Variants in MET observed in about 807,000 individuals in gnomAD.
MET encodes the protein hepatocyte growth factor receptor.
MET carries 48 observed loss-of-function variants against 133.1 expected under a neutral mutation model. The ratio of observed to expected loss-of-function variants is 0.36; its 90% confidence interval spans 0.29 to 0.46. The LOEUF is 0.46. Ranked by LOEUF, MET falls within the 20% of genes least tolerant of loss-of-function variation. The pLI, the probability that MET is intolerant of heterozygous loss-of-function variation, is 1.00. For missense variants in MET, 1,442 were observed against 1,695.9 expected (o/e 0.85, Z 2.63); for synonymous variants, 628 against 616.5 (o/e 1.02, Z -0.28).
At chr7:116,787,278 A>G (rs1319050655) in intron 19 of MET, among the ~76,000 whole-genome samples, 1 of 152,206 alleles carries the variant, frequency 6.6e-6, no homozygotes, top group African/African-American at 2.4e-5. Flanking sequence ...CCAAGAACAT[A>G]CTGTTCATTC....
At position 116,778,966 on chromosome 7, in the gene MET, A is replaced by G; in HGVS notation, c.3522+9A>G. 1 of 1,613,466 alleles carries G rather than the reference A, an allele frequency of 6.2e-7. No individual in the cohort carries two copies. Among genetic ancestry groups the G allele is most frequent in the Non-Finnish European group, 8.5e-7 (1 of 1,179,820 alleles). The stretch of plus-strand genomic sequence containing the variant: ...TTCGAAATGAGACTCATGTAAGTTG[A>G]CTGCCAAGCTTACTAACTGGCAAAC... On this transcript the variant is annotated intron_variant, in intron 17 of 20. Coordinates refer to ENST00000397752, the MANE Select transcript of MET (RefSeq NM_000245.4).
rs751158986 is a variant in MET, at chr7:116,731,789, C to T, written c.1322C>T (p.Ser441Phe). The change falls in exon 3 of 21, where the codon TCT (serine) becomes TTT (phenylalanine). Residue 441 changes from serine to phenylalanine, a missense_variant. Physicochemically the swap from Ser to Phe is radical, Grantham distance 155. Transcript: ENST00000397752. ...MGQFSEVLLT[S>F]ISTFIKGDLT... is the part of the protein sequence containing the mutation. The stretch of plus-strand genomic sequence containing the variant: ...CAATTCAGCGAAGTCCTCTTAACAT[C>T]TATATCCACCTTCATTAAAGGAGAC... The T allele has an allele frequency of 6.2e-7, 1 of 1,614,124 alleles. No homozygotes were observed. Among genetic ancestry groups the T allele is most frequent in the East Asian group, 2.2e-5 (1 of 44,890 alleles).
At chr7:116,693,517 A>G (rs1250424137) in intron 1 of MET, among the ~76,000 whole-genome samples, 2 of 152,182 alleles carry the variant, frequency 1.3e-5, no homozygotes, top group African/African-American at 2.4e-5. Flanking sequence ...CATACAAATA[A>G]TTAGCTGCAC....
At chr7:116,771,171 C>T (rs1794816833) in intron 12 of MET, among the ~76,000 whole-genome samples, 2 of 152,204 alleles carry the variant, frequency 1.3e-5, no homozygotes, top group Admixed American at 1.3e-4. Context: ...TTCTATGGTA[C>T]ATACCACACT....
In MET at chr7:116,699,450, C is replaced by T. The variant is rs202026780; in HGVS notation, c.366C>T (p.Val122=). The change falls in exon 2 of 21, where the codon GTC becomes GTT. Residue 122 remains valine (V), a synonymous_variant. Transcript: ENST00000397752. ...WKDNINMALV[V]DTYYDDQLIS... ...ATAACATCAACATGGCTCTAGTTGT[C>T]GACACCTACTATGATGATCAACTCA... 12 of 1,613,874 alleles carry T rather than the reference C, an allele frequency of 7.4e-6. No individual in the cohort carries two copies. The highest frequency in any genetic ancestry group is 5.3e-5 in the African/African-American group (4 of 74,878).
At position 116,763,104 on chromosome 7, in the gene MET, C is replaced by A. The variant is rs2116954655; in HGVS notation, c.2419C>A (p.Gln807Lys). ...EIICCTTPSL[Q>K]QLNLQLPLKT... ...AATCTGTTGTACCACTCCTTCCCTGCAACAGCTGAATCTGCAACTCCCCCT... is the reference window on the plus strand; with the variant it reads ...AATCTGTTGTACCACTCCTTCCCTGAAACAGCTGAATCTGCAACTCCCCCT... Residue 807 changes from glutamine (Q) to lysine (K), a missense_variant, in exon 11 of 21, where the codon CAA becomes AAA. Gln to Lys is a moderately conservative substitution (Grantham distance 53, BLOSUM62 1). This residue lies in a region of MET where 514 missense variants were observed against 659.6 expected (regional missense o/e 0.78). Transcript: ENST00000397752. 6.2e-7 allele frequency: 1 copy of A among 1,614,062 alleles called. No individual in the cohort carries two copies. The highest frequency in any genetic ancestry group is 8.5e-7 in the Non-Finnish European group (1 of 1,179,990).
rs1794306386 is a variant in MET, at chr7:116,759,320, G to A, written c.2265-71G>A. ...TGTAATCAGTGCAGGTGATTAAATTGAATCCCTCTCTTACAGTACTTGGTG... is the reference window on the plus strand; with the variant it reads ...TGTAATCAGTGCAGGTGATTAAATTAAATCCCTCTCTTACAGTACTTGGTG... On this transcript the variant is annotated intron_variant, in intron 9 of 20. Transcript: ENST00000397752. The A allele has an allele frequency of 6.4e-7, 1 of 1,566,264 alleles. No homozygotes were observed. Among genetic ancestry groups the A allele is most frequent in the Non-Finnish European group, 8.7e-7 (1 of 1,153,346 alleles).
intron 6 of MET, among the ~76,000 whole-genome samples, chr7:116,756,917 TATA>T (rs1368960165): frequency 6.6e-6 from 1 of 152,174 alleles, no homozygotes; most frequent in East Asian, 1.9e-4. Flanking sequence ...GTATAAGTGC[TATA>T]GTACCATTAA....
At position 116,721,526 on chromosome 7, in the gene MET, G is replaced by C. The variant is rs181108979; in HGVS notation, c.1201-10142G>C. Reference sequence around the variant, plus strand: ...TTTAGTTATTTCTTGCCTTCTGCTAGCTTTTGAATGTGTTTGCTCTTGCTT... The same window carrying C: ...TTTAGTTATTTCTTGCCTTCTGCTACCTTTTGAATGTGTTTGCTCTTGCTT... On this transcript the variant is annotated intron_variant, in intron 2 of 20. Coordinates refer to ENST00000397752, the MANE Select transcript of MET (RefSeq NM_000245.4). 1.4e-3 allele frequency among the ~76,000 whole-genome samples: 217 copies of C among 152,248 alleles called. 1 individual carries two copies. The highest frequency in any genetic ancestry group is 5.0e-3 in the African/African-American group (209 of 41,540).
chr7:116,788,507 G>C (rs1451749445), intron 19 of MET, among the ~76,000 whole-genome samples: 1 of 152,082 alleles, frequency 6.6e-6, no homozygotes, highest in Non-Finnish European at 1.5e-5. Context: ...CAGCACAGAG[G>C]CCAAGGCTTC....
chr7:116,688,491 C>G (rs952709715), intron 1 of MET, among the ~76,000 whole-genome samples: 4 of 152,156 alleles, frequency 2.6e-5, no homozygotes, highest in African/African-American at 9.7e-5. Flanking sequence ...TTTTGTCTGA[C>G]CTACAATTTA....
chr7:116,729,177 C>T (rs1419204302), intron 2 of MET, among the ~76,000 whole-genome samples: 1 of 152,140 alleles, frequency 6.6e-6, no homozygotes, highest in East Asian at 1.9e-4. Flanking sequence ...TCAGAGTAAT[C>T]CATAGTACTT....
At chr7:116,697,274 C>T (rs1281454176) in intron 1 of MET, among the ~76,000 whole-genome samples, 2 of 152,032 alleles carry the variant, frequency 1.3e-5, no homozygotes, top group Admixed American at 6.6e-5. Context: ...AAATATGTCC[C>T]TTATTCATTC....
rs770384154 is a variant in MET, at chr7:116,763,220, A to G, written c.2535A>G (p.Glu845=). The part of the protein sequence containing the change: ...YVHNPVFKPF[E]KPVMISMGNE... ...ATAATCCTGTGTTTAAGCCTTTTGA[A>G]AAGCCAGTGATGATCTCAATGGGCA... is the stretch of plus-strand genomic sequence containing the variant. Residue 845 remains glutamate, a synonymous_variant, in exon 11 of 21, where the codon GAA becomes GAG. Transcript: ENST00000397752. 2 of 1,614,036 alleles carry G rather than the reference A, an allele frequency of 1.2e-6. No homozygotes were observed. Among genetic ancestry groups the G allele is most frequent in the Non-Finnish European group, 1.7e-6 (2 of 1,179,962 alleles).
chr7:116,750,875 C>T (rs1180443794), intron 5 of MET, among the ~76,000 whole-genome samples: 1 of 152,166 alleles, frequency 6.6e-6, no homozygotes, highest in Non-Finnish European at 1.5e-5. Flanking sequence ...AATGAGATCC[C>T]ATCTCACACC....
At chr7:116,773,009 G>GTA (rs1418795078) in intron 14 of MET, among the ~76,000 whole-genome samples, 1 of 151,782 alleles carries the variant, frequency 6.6e-6, no homozygotes. Flanking sequence ...CATCTATTTA[G>GTA]TATTTTATAT....
In MET at chr7:116,700,209, C is replaced by T. The variant is rs776693512; in HGVS notation, c.1125C>T (p.Asn375=). ...TCAAATATGTCAACGACTTCTTCAA[C>T]AAGATCGTCAACAAAAACAATGTGA... ...FPIKYVNDFF[N]KIVNKNNVRC... The change falls in exon 2 of 21, where the codon AAC becomes AAT. Residue 375 remains asparagine (N), a synonymous_variant. Coordinates refer to ENST00000397752, the MANE Select transcript of MET (RefSeq NM_000245.4). 1.3e-6 allele frequency: 2 copies of T among 1,594,148 alleles called. No homozygotes were observed. The highest frequency in any genetic ancestry group is 1.8e-5 in the Admixed American group (1 of 55,096).
chr7:116,717,591 A>G (rs1363657408), intron 2 of MET, among the ~76,000 whole-genome samples: 1 of 152,248 alleles, frequency 6.6e-6, no homozygotes, highest in East Asian at 1.9e-4. Flanking sequence ...AATAAAGTAT[A>G]TATTCAAATG....
chr7:116,789,538 C>T (rs1291541736), intron 19 of MET, among the ~76,000 whole-genome samples: 1 of 152,186 alleles, frequency 6.6e-6, no homozygotes, highest in Admixed American at 6.5e-5. Flanking sequence ...CAGAAAATTT[C>T]CTTATGCTCC....
Sources: gnomAD v4.1 joint callset for allele counts (sites outside exome capture counted in the v4.1 genomes callset) on GRCh38, gnomAD v4.1.1 for gene constraint, gnomAD v4.1.1 regional missense constraint, MANE v1.5 for transcripts, NCBI Gene and HGNC (gene_info 2026-07-23, HGNC 2026-07-21) for gene names.